Variants in ANK3 observed in about 807,000 individuals in gnomAD.
ANK3 encodes ankyrin 3.
Under a neutral mutation model 370.9 loss-of-function variants are expected in ANK3, and 57 were observed. That is an observed-to-expected ratio of 0.15 (90% CI 0.12 to 0.19). ANK3 has a LOEUF of 0.19. Ranked by LOEUF, ANK3 falls within the 10% of genes least tolerant of loss-of-function variation. The pLI is 1.00. For missense variants in ANK3, 4,439 were observed against 5,302.1 expected (o/e 0.84, Z 5.06); for synonymous variants, 1,929 against 1,946.3 (o/e 0.99, Z 0.23).
At chr10:60,456,082 G>T (rs1030274798) in intron 2 of ANK3, among the ~76,000 whole-genome samples, 3 of 152,192 alleles carry the variant, frequency 2.0e-5, no homozygotes, top group Non-Finnish European at 4.4e-5. Context: ...ACAGAATTTG[G>T]AGGTCCACCT....
chr10:60,305,677 T>C (rs368518194), intron 1 of ANK3, among the ~76,000 whole-genome samples: 1 of 152,172 alleles, frequency 6.6e-6, no homozygotes, highest in East Asian at 1.9e-4. Context: ...ACTCTACAAT[T>C]ATACGAAATA....
At chr10:60,725,729 C>A (rs972101345) in intron 1 of ANK3, among the ~76,000 whole-genome samples, 1 of 152,012 alleles carries the variant, frequency 6.6e-6, no homozygotes, top group Non-Finnish European at 1.5e-5. Context: ...TAAATAGCTG[C>A]TTACAAAGGT....
At chr10:60,277,134 T>C (rs1484342888) in intron 4 of ANK3, among the ~76,000 whole-genome samples, 1 of 152,210 alleles carries the variant, frequency 6.6e-6, no homozygotes, top group Non-Finnish European at 1.5e-5. Flanking sequence ...TTCCTTTTCT[T>C]TGACTCTGAC....
intron 2 of ANK3, among the ~76,000 whole-genome samples, chr10:60,530,472 T>G (rs531612847): frequency 6.7e-6 from 1 of 148,458 alleles, no homozygotes; most frequent in Non-Finnish European, 1.5e-5. Context: ...AAAAACCCTA[T>G]GATATAGGTA....
At position 60,072,927 on chromosome 10, in the gene ANK3, G is replaced by A. The variant is rs1033589455; in HGVS notation, c.7954C>T (p.His2652Tyr). 38 of 1,613,958 alleles carry A rather than the reference G, an allele frequency of 2.4e-5. No individual in the cohort carries two copies. The highest frequency in any genetic ancestry group is 2.9e-5 in the Non-Finnish European group (34 of 1,180,014). The change falls in exon 37 of 44, where the codon CAT becomes TAT. Residue 2652 changes from histidine (H) to tyrosine (Y), a missense_variant. Physicochemically the swap from His to Tyr is moderately conservative, Grantham distance 83. Around this residue, in one of 13 missense-constraint regions of ANK3, gnomAD observed 1,601 missense variants for 1,731.7 expected, o/e 0.92. Transcript: ENST00000280772. ...GGGAAGCCTTGTCCATCAGGGCCAT[G>A]CTGTCTTGCCTTAACCCACTCATCA... ...SNDEWVKARQ[H>Y]GPDGQGFPKA...
intron 1 of ANK3, among the ~76,000 whole-genome samples, chr10:60,616,104 T>C (rs2078264541): frequency 6.6e-6 from 1 of 152,186 alleles, no homozygotes; most frequent in African/African-American, 2.4e-5. Flanking sequence ...TTATTTCATC[T>C]TGTCAGCTTT....
intron 2 of ANK3, among the ~76,000 whole-genome samples, chr10:60,524,940 T>C (rs2076434837): frequency 6.6e-6 from 1 of 152,112 alleles, no homozygotes; most frequent in Non-Finnish European, 1.5e-5. Flanking sequence ...TACCCTAAGC[T>C]GAATCAATAA....
At chr10:60,031,241 C>A (rs530901430) in intron 43 of ANK3, among the ~76,000 whole-genome samples, 1 of 152,278 alleles carries the variant, frequency 6.6e-6, no homozygotes, top group East Asian at 1.9e-4. Context: ...AGAACTTTCG[C>A]TTTTCCTGTC....
intron 9 of ANK3, among the ~76,000 whole-genome samples, chr10:60,211,371 T>G (rs2096852081): frequency 6.6e-6 from 1 of 151,926 alleles, no homozygotes; most frequent in Non-Finnish European, 1.5e-5. Flanking sequence ...GGAAGGAGAA[T>G]GGAGGCGTTA....
At chr10:60,570,218 G>A (rs2077558732) in intron 2 of ANK3, among the ~76,000 whole-genome samples, 1 of 152,146 alleles carries the variant, frequency 6.6e-6, no homozygotes, top group Non-Finnish European at 1.5e-5. Flanking sequence ...CTGCATACAA[G>A]GCAGCATGCT....
chr10:60,388,616 C>T (rs1003769517), intron 1 of ANK3, among the ~76,000 whole-genome samples: 12 of 152,140 alleles, frequency 7.9e-5, no homozygotes, highest in African/African-American at 2.9e-4. Flanking sequence ...TCTAAGTACT[C>T]ACGGGCTATA....
chr10:60,043,946 A>G (rs2076535404), intron 42 of ANK3: 4 of 985,852 alleles, frequency 4.1e-6, no homozygotes, highest in Non-Finnish European at 4.8e-6. Context: ...GATCAAATGC[A>G]TAAGATGTCA....
chr10:60,680,576 C>T (rs535512671), intron 1 of ANK3, among the ~76,000 whole-genome samples: 2 of 152,338 alleles, frequency 1.3e-5, no homozygotes, highest in South Asian at 4.1e-4. Context: ...CCTCCTCTTC[C>T]TCACACAGGT....
chr10:60,690,386 T>C (rs2079334506), intron 1 of ANK3, among the ~76,000 whole-genome samples: 1 of 152,192 alleles, frequency 6.6e-6, no homozygotes, highest in South Asian at 2.1e-4. Flanking sequence ...CCCACCCTAA[T>C]ACTGCACGCT....
rs530345093 is a variant in ANK3 at position 60,032,121 on chromosome 10, C to T, written c.*20-2295G>A. Among the ~76,000 whole-genome samples, 31 of 150,830 alleles carry T rather than the reference C, an allele frequency of 2.1e-4. No individual in the cohort carries two copies. In the South Asian group the frequency reaches 6.3e-3, roughly 31 times the overall value. On this transcript the variant is annotated intron_variant, in intron 43 of 43. Coordinates refer to ENST00000280772, the MANE Select transcript of ANK3 (RefSeq NM_020987.5). ...GTCTCACTCCCTGCTTTCTCTAAAC[C>T]CCTCCCCCTGACTTTTTGAAGCTTG...
intron 38 of ANK3, among the ~76,000 whole-genome samples, chr10:60,067,668 T>G (rs1055477731): frequency 6.6e-6 from 1 of 152,206 alleles, no homozygotes; most frequent in Non-Finnish European, 1.5e-5. Flanking sequence ...ATTACAGAAG[T>G]GACATTGTGA....
intron 2 of ANK3, among the ~76,000 whole-genome samples, chr10:60,461,362 C>T (rs1220075933): frequency 1.3e-5 from 2 of 152,104 alleles, no homozygotes; most frequent in Admixed American, 6.6e-5. Flanking sequence ...ATAAGTAATG[C>T]TTTACAGTTA....
At chr10:60,121,058 A>C (rs1019714780) in intron 25 of ANK3, among the ~76,000 whole-genome samples, 5 of 152,214 alleles carry the variant, frequency 3.3e-5, no homozygotes, top group African/African-American at 1.2e-4. Flanking sequence ...AAGCAACCTA[A>C]GTGTCCATCA....
chr10:60,243,046 C>A (rs1173228420), intron 7 of ANK3, among the ~76,000 whole-genome samples: 1 of 152,058 alleles, frequency 6.6e-6, no homozygotes, highest in Non-Finnish European at 1.5e-5. Context: ...ATTTTTGGAG[C>A]ACCTAAGAGT....
Sources: gnomAD v4.1 joint callset for allele counts (sites outside exome capture counted in the v4.1 genomes callset) on GRCh38, gnomAD v4.1.1 for gene constraint, gnomAD v4.1.1 regional missense constraint, MANE v1.5 for transcripts, NCBI Gene and HGNC (gene_info 2026-07-23, HGNC 2026-07-21) for gene names.